The following ABCC1 variants were observed in gnomAD, a reference collection of about 807,000 sequenced individuals.
ABCC1 encodes ATP binding cassette subfamily C member 1 (ABCC1 blood group).
Under a neutral mutation model 172.9 loss-of-function variants are expected in ABCC1, and 83 were observed. That is an observed-to-expected ratio of 0.48 (90% CI 0.40 to 0.58). The LOEUF is 0.58. Among genes scored for constraint, ABCC1 ranks in the 20% least tolerant of loss-of-function variants. ABCC1 has a pLI of 0.00. For synonymous variants in ABCC1, 937 were observed against 825.2 expected (o/e 1.14, Z -2.32); for missense variants, 1,817 against 2,002.7 (o/e 0.91, Z 1.77).
chr16:16,081,731 A>G (rs990193638), intron 16 of ABCC1, among the ~76,000 whole-genome samples: 1 of 152,092 alleles, frequency 6.6e-6, no homozygotes, highest in African/African-American at 2.4e-5. Context: ...TTATTCAAGA[A>G]TCTTCTGGCT....
intron 1 of ABCC1, among the ~76,000 whole-genome samples, chr16:15,982,784 CA>C: frequency 9.4e-6 from 1 of 106,910 alleles, no homozygotes; most frequent in Admixed American, 1.3e-4. Flanking sequence ...CCAGTCTGGG[CA>C]ACAGAGTGAG....
At chr16:16,128,505 A>C (rs879595463) in intron 26 of ABCC1, among the ~76,000 whole-genome samples, 2 of 152,182 alleles carry the variant, frequency 1.3e-5, no homozygotes, top group Non-Finnish European at 2.9e-5. Flanking sequence ...TTTTAGAAGG[A>C]TCGTGTTTGA....
In ABCC1 at chr16:16,141,534, G is replaced by C. The variant is rs1044929466; in HGVS notation, c.*253G>C. The C allele has an allele frequency of 2.0e-6, 1 of 492,308 alleles. No homozygotes were observed. The highest frequency in any genetic ancestry group is 3.6e-6 in the Non-Finnish European group (1 of 275,216). 30.5% of individuals were successfully genotyped at this position (492,308 alleles called of 1,614,324 possible). On this transcript the variant is annotated 3_prime_UTR_variant, in exon 31 of 31. Coordinates refer to ENST00000399410, the MANE Select transcript of ABCC1 (RefSeq NM_004996.4). The stretch of plus-strand genomic sequence containing the variant: ...GCACACCCTGCCCCTGGTGCCCTGA[G>C]ACAGACACACAGCCTCACGCCCCCA...
intron 9 of ABCC1, 55 bp downstream of exon 9, chr16:16,046,068 G>A: frequency 6.3e-7 from 1 of 1,582,870 alleles, no homozygotes; most frequent in Non-Finnish European, 8.6e-7. Context: ...CCCTCCTGCA[G>A]CCCTGGGTTA....
chr16:15,949,853 G>C (rs1056102741), intron 1 of ABCC1, 54 bp downstream of exon 1: 1 of 1,184,714 alleles, frequency 8.4e-7, no homozygotes, highest in Non-Finnish European at 1.0e-6. Context: ...CCGGCGGGGA[G>C]GGAAAGCACC....
At chr16:16,084,275 G>T in intron 17 of ABCC1, among the ~76,000 whole-genome samples, 1 of 152,152 alleles carries the variant, frequency 6.6e-6, no homozygotes, top group African/African-American at 2.4e-5. Flanking sequence ...GCTAATTTTT[G>T]TATTTTTAGT....
At chr16:15,950,407 C>G (rs940727568) in intron 1 of ABCC1, among the ~76,000 whole-genome samples, 1 of 152,116 alleles carries the variant, frequency 6.6e-6, no homozygotes, top group Admixed American at 6.6e-5. Flanking sequence ...GGGGGATGTC[C>G]ACCCTTGATG....
intron 1 of ABCC1, among the ~76,000 whole-genome samples, chr16:15,973,901 C>G (rs1368130935): frequency 6.6e-6 from 1 of 152,002 alleles, no homozygotes; most frequent in African/African-American, 2.4e-5. Flanking sequence ...GGGATGATCA[C>G]CTGGGCCTGG....
At chr16:16,092,022 G>T (rs1044015711) in intron 19 of ABCC1, among the ~76,000 whole-genome samples, 1 of 152,204 alleles carries the variant, frequency 6.6e-6, no homozygotes, top group Non-Finnish European at 1.5e-5. Context: ...TGGATCACCT[G>T]AGGTCAGGAG....
chr16:16,060,203 AGATTTT>A (rs60812243), intron 12 of ABCC1, among the ~76,000 whole-genome samples: 14,242 of 152,038 alleles, frequency 0.094, 779 homozygotes, highest in African/African-American at 0.13. Flanking sequence ...CGCTGGCTCT[AGATTTT>A]GTCACATGGA....
At position 16,068,399 on chromosome 16, in the gene ABCC1, C is replaced by T. The variant is rs145543092; in HGVS notation, c.1824+97C>T. The T allele has an allele frequency of 2.4e-4, 347 of 1,437,980 alleles. No individual in the cohort carries two copies. In the African/African-American group the frequency reaches 4.5e-3, roughly 19 times the overall value. The allele number at this position is 1,437,980 out of a possible 1,614,324, so 89.1% of individuals were successfully genotyped here. ...CCCCGAGCGCAGCCTCTAGATCACA[C>T]TCCCGGTCGGGCTCCATGAGGCCCG... On this transcript the variant is annotated intron_variant, in intron 13 of 30. Coordinates refer to ENST00000399410, the MANE Select transcript of ABCC1 (RefSeq NM_004996.4).
chr16:16,038,178 A>T (rs2048829346), intron 7 of ABCC1, among the ~76,000 whole-genome samples: 1 of 152,018 alleles, frequency 6.6e-6, no homozygotes, highest in Non-Finnish European at 1.5e-5. Context: ...TGGATGATTG[A>T]TAGATGATGG....
chr16:15,963,407 A>G (rs560630078), intron 1 of ABCC1, among the ~76,000 whole-genome samples: 239 of 152,336 alleles, frequency 1.6e-3, no homozygotes, highest in African/African-American at 5.2e-3. Flanking sequence ...TCCATTAGGC[A>G]GTACCCCAGT....
chr16:15,985,851 C>G (rs943137022), intron 1 of ABCC1, among the ~76,000 whole-genome samples: 1 of 152,164 alleles, frequency 6.6e-6, no homozygotes, highest in Non-Finnish European at 1.5e-5. Flanking sequence ...GGCTGGTGTT[C>G]TTTCCGGAAG....
At chr16:16,071,544 C>T (rs1008887871) in intron 13 of ABCC1, 98 bp from the exon 14 acceptor site, 14 of 866,788 alleles carry the variant, frequency 1.6e-5, no homozygotes, top group Non-Finnish European at 2.6e-5. Context: ...GGGTGTGTGC[C>T]CCTCCACACC....
intron 19 of ABCC1, among the ~76,000 whole-genome samples, chr16:16,100,751 G>A (rs1291095271): frequency 6.6e-6 from 1 of 152,204 alleles, no homozygotes; most frequent in East Asian, 1.9e-4. Context: ...GCTGTGCCAG[G>A]CACTGCGTGC....
At chr16:15,959,411 G>A (rs977093874) in intron 1 of ABCC1, among the ~76,000 whole-genome samples, 5 of 151,994 alleles carry the variant, frequency 3.3e-5, no homozygotes, top group African/African-American at 7.3e-5. Flanking sequence ...CTGCAGCCTC[G>A]ACCTCCTGGG....
At chr16:15,983,308 C>T (rs146366600) in intron 1 of ABCC1, among the ~76,000 whole-genome samples, 16 of 152,210 alleles carry the variant, frequency 1.1e-4, no homozygotes, top group Non-Finnish European at 2.2e-4. Context: ...TGAGTTGGGG[C>T]TGAACCCACA....
chr16:16,075,711 C>T (rs2050532497), intron 14 of ABCC1, among the ~76,000 whole-genome samples: 2 of 152,212 alleles, frequency 1.3e-5, no homozygotes, highest in African/African-American at 4.8e-5. Flanking sequence ...TCGTACCACA[C>T]TTCCTGTTCC....
Sources: gnomAD v4.1 joint callset for allele counts (sites outside exome capture counted in the v4.1 genomes callset) on GRCh38, gnomAD v4.1.1 for gene constraint, MANE v1.5 for transcripts, NCBI Gene and HGNC (gene_info 2026-07-23, HGNC 2026-07-21) for gene names.